The following THSD7B variants were observed in gnomAD, a reference collection of about 807,000 sequenced individuals.
THSD7B encodes the protein thrombospondin type 1 domain containing 7B, also known as thrombospondin type-1 domain-containing protein 7B.
A neutral mutation model predicts 213.6 loss-of-function variants in THSD7B; 138 were observed. That is an observed-to-expected ratio of 0.65 (90% CI 0.56 to 0.74). The LOEUF is 0.74. Ranked by LOEUF, THSD7B falls within the 30% of genes least tolerant of loss-of-function variation. The pLI is 0.00. For synonymous variants in THSD7B, 742 were observed against 687.0 expected (o/e 1.08, Z -1.25); for missense variants, 1,931 against 1,991.5 (o/e 0.97, Z 0.58).
At chr2:137,001,708 A>G (rs1686002317) in intron 2 of THSD7B, among the ~76,000 whole-genome samples, 1 of 152,146 alleles carries the variant, frequency 6.6e-6, no homozygotes, top group Admixed American at 6.5e-5. Context: ...CAATTCAGAA[A>G]TATGTTCAAA....
chr2:137,487,324 C>A (rs1326879916), intron 15 of THSD7B, among the ~76,000 whole-genome samples: 9 of 136,788 alleles, frequency 6.6e-5, no homozygotes, highest in Admixed American at 6.6e-4. Flanking sequence ...GCCGAGATTG[C>A]GCCACTGCAG....
chr2:137,524,209 G>A (rs554997861), intron 15 of THSD7B, among the ~76,000 whole-genome samples: 1 of 152,162 alleles, frequency 6.6e-6, no homozygotes, highest in South Asian at 2.1e-4. Flanking sequence ...TATTCAGTAA[G>A]CCACTGGAAA....
intron 7 of THSD7B, among the ~76,000 whole-genome samples, chr2:137,220,618 C>T (rs966704810): frequency 6.6e-6 from 1 of 152,132 alleles, no homozygotes; most frequent in Non-Finnish European, 1.5e-5. Flanking sequence ...AGAGTGCAGA[C>T]ACTTTGGAGA....
chr2:137,429,052 A>G (rs1406177733), intron 14 of THSD7B, among the ~76,000 whole-genome samples: 5 of 152,240 alleles, frequency 3.3e-5, no homozygotes, highest in African/African-American at 4.8e-5. Context: ...ACTGTTAGAA[A>G]TAAATTTCTG....
chr2:137,140,512 TCC>T (rs1322916247), intron 5 of THSD7B, among the ~76,000 whole-genome samples: 1 of 152,082 alleles, frequency 6.6e-6, no homozygotes, highest in African/African-American at 2.4e-5. Context: ...CTCCAAAAAT[TCC>T]GTGTCATTTA....
intron 12 of THSD7B, among the ~76,000 whole-genome samples, chr2:137,336,422 T>C (rs1684640584): frequency 6.6e-6 from 1 of 152,158 alleles, no homozygotes; most frequent in Admixed American, 6.5e-5. Flanking sequence ...GTGAACGAGA[T>C]TTTGCAGTAT....
At position 137,276,012 on chromosome 2, in the gene THSD7B, G is replaced by T; in HGVS notation, c.2486G>T (p.Gly829Val). The T allele has an allele frequency of 6.2e-7, 1 of 1,610,806 alleles. No individual in the cohort carries two copies. The highest frequency in any genetic ancestry group is 8.5e-7 in the Non-Finnish European group (1 of 1,178,360). Reference protein sequence around the residue: ...ITGSSEACGKGLQTRAVSCIS... With the variant: ...ITGSSEACGKVLQTRAVSCIS... ...GGCAGCAGTGAAGCCTGTGGAAAGGGGTTACAAACAAGAGGTATGATGATT... is the reference window on the plus strand; with the variant it reads ...GGCAGCAGTGAAGCCTGTGGAAAGGTGTTACAAACAAGAGGTATGATGATT... The change falls in exon 12 of 28, where the codon GGG (glycine) becomes GTG (valine). Residue 829 changes from glycine (G) to valine (V), a missense_variant. Coordinates refer to ENST00000409968, the MANE Select transcript of THSD7B (RefSeq NM_001316349.2).
intron 12 of THSD7B, among the ~76,000 whole-genome samples, chr2:137,286,740 G>A (rs1683192123): frequency 1.3e-5 from 2 of 152,162 alleles, no homozygotes; most frequent in Non-Finnish European, 2.9e-5. Flanking sequence ...AAAGAAAGTA[G>A]AGTAGTTTCT....
chr2:136,776,374 A>T (rs186819982), intron 1 of THSD7B, among the ~76,000 whole-genome samples: 59 of 152,276 alleles, frequency 3.9e-4, no homozygotes, highest in South Asian at 1.2e-3. Context: ...GATTCAACAA[A>T]AACAAAAAAT....
intron 1 of THSD7B, among the ~76,000 whole-genome samples, chr2:136,824,166 G>A (rs1166090676): frequency 6.6e-6 from 1 of 152,108 alleles, no homozygotes; most frequent in African/African-American, 2.4e-5. Flanking sequence ...AATGTAGATA[G>A]TTGCTTTAGA....
chr2:137,027,709 C>T (rs904819162), intron 2 of THSD7B, among the ~76,000 whole-genome samples: 3 of 152,160 alleles, frequency 2.0e-5, no homozygotes, highest in African/African-American at 4.8e-5. Context: ...GGGACTTTTA[C>T]ACCAGTGTTT....
At chr2:137,265,551 C>G (rs1682568001) in intron 10 of THSD7B, among the ~76,000 whole-genome samples, 1 of 152,186 alleles carries the variant, frequency 6.6e-6, no homozygotes, top group African/African-American at 2.4e-5. Flanking sequence ...ATAGCAAAGA[C>G]TTGGAACCAA....
chr2:137,560,289 T>C lies in THSD7B; in HGVS notation c.3139-2932T>C, dbSNP rs567174549. Among the ~76,000 whole-genome samples the C allele has an allele frequency of 2.6e-5, 4 of 152,106 alleles. No homozygotes were observed. In the South Asian group the frequency reaches 8.3e-4, roughly 32 times the overall value. ...GTGTTTATTGCAGCACTACTCACAA[T>C]AGCAAAGACTTGGAACCAACCCAAA... On this transcript the variant is annotated intron_variant, in intron 15 of 27. Transcript: ENST00000409968.
intron 9 of THSD7B, among the ~76,000 whole-genome samples, chr2:137,234,339 C>T (rs760262480): frequency 1.2e-4 from 19 of 152,052 alleles, no homozygotes; most frequent in African/African-American, 3.9e-4. Context: ...TGGGGAACCA[C>T]GGTGAAGGGC....
At chr2:136,886,865 G>C (rs1453791390) in intron 2 of THSD7B, among the ~76,000 whole-genome samples, 1 of 152,140 alleles carries the variant, frequency 6.6e-6, no homozygotes, top group Non-Finnish European at 1.5e-5. Context: ...AATTCTTGTG[G>C]AGGTGTCGAC....
rs946523072 is a variant in THSD7B, at chr2:136,990,480, A to AG, written c.140-65932dup. 1.3e-4 allele frequency among the ~76,000 whole-genome samples: 19 copies of AG among 151,948 alleles called. 1 individual carries two copies. Among genetic ancestry groups the AG allele is most frequent in the South Asian group, 8.4e-4 (4 of 4,784 alleles). ...GAAGACAGCAGATGGACAGAACTGT[A>AG]GGGGGGGGACCATGCCAGGCAGGGA... is the stretch of plus-strand genomic sequence containing the variant. On this transcript the variant is annotated intron_variant, in intron 2 of 27. Coordinates refer to ENST00000409968, the MANE Select transcript of THSD7B (RefSeq NM_001316349.2).
intron 6 of THSD7B, among the ~76,000 whole-genome samples, chr2:137,164,209 C>G (rs1367442246): frequency 6.6e-6 from 1 of 152,014 alleles, no homozygotes; most frequent in African/African-American, 2.4e-5. Flanking sequence ...CACTAGATAA[C>G]CAGAGGTGGG....
At chr2:137,627,273 C>T (rs1355876380) in intron 20 of THSD7B, among the ~76,000 whole-genome samples, 1 of 152,190 alleles carries the variant, frequency 6.6e-6, no homozygotes, top group Non-Finnish European at 1.5e-5. Flanking sequence ...CAAATACCTC[C>T]CACTAGTCCT....
chr2:137,192,985 T>A (rs997447645), intron 7 of THSD7B, among the ~76,000 whole-genome samples: 1 of 152,148 alleles, frequency 6.6e-6, no homozygotes, highest in South Asian at 2.1e-4. Flanking sequence ...TGTATGTGTG[T>A]ATGTGTGTAT....
Sources: gnomAD v4.1 joint callset for allele counts (sites outside exome capture counted in the v4.1 genomes callset) on GRCh38, gnomAD v4.1.1 for gene constraint, MANE v1.5 for transcripts, NCBI Gene and HGNC (gene_info 2026-07-23, HGNC 2026-07-21) for gene names.